CYRIA: variants seen among roughly 807,000 people sequenced by gnomAD.
CYRIA encodes CYFIP-related Rac1 interactor A.
CYRIA carries 15 observed loss-of-function variants against 43.9 expected under a neutral mutation model. That is an observed-to-expected ratio of 0.34 (90% CI 0.23 to 0.53). The LOEUF (loss-of-function observed/expected upper bound fraction) is 0.53. CYRIA is among the 20% of genes least tolerant of loss of function. The pLI is 0.94. For synonymous variants in CYRIA, 117 were observed against 136.0 expected (o/e 0.86, Z 0.97); for missense variants, 236 against 394.2 (o/e 0.60, Z 3.40).
At chr2:16,660,964 G>A (rs1342345042) in intron 1 of CYRIA, among the ~76,000 whole-genome samples, 1 of 152,218 alleles carries the variant, frequency 6.6e-6, no homozygotes, top group Non-Finnish European at 1.5e-5. Context: ...AGGCTAATGA[G>A]CAATTCTGTA....
intron 2 of CYRIA, among the ~76,000 whole-genome samples, chr2:16,603,024 A>G (rs1019861436): frequency 2.0e-5 from 3 of 151,792 alleles, no homozygotes; most frequent in African/African-American, 7.3e-5. Context: ...CCTTCTACTC[A>G]TTTCCATGCT....
chr2:16,567,759 A>G (rs1417976735), intron 3 of CYRIA, among the ~76,000 whole-genome samples: 1 of 152,216 alleles, frequency 6.6e-6, no homozygotes, highest in Non-Finnish European at 1.5e-5. Flanking sequence ...TGCAAACTAT[A>G]CATTCAAAGA....
At chr2:16,627,315 G>A (rs2103515955) in intron 1 of CYRIA, among the ~76,000 whole-genome samples, 1 of 152,364 alleles carries the variant, frequency 6.6e-6, no homozygotes, top group Admixed American at 6.5e-5. Flanking sequence ...GCATGCTTGT[G>A]CCCACAGTTC....
chr2:16,613,447 C>A (rs944817810), intron 2 of CYRIA, among the ~76,000 whole-genome samples: 16 of 152,370 alleles, frequency 1.1e-4, no homozygotes, highest in Non-Finnish European at 1.8e-4. Context: ...ACTACACTAA[C>A]AGCAGCCATT....
At chr2:16,562,207 T>C in intron 5 of CYRIA, 66 bp from the exon 6 acceptor site, 1 of 1,522,670 alleles carries the variant, frequency 6.6e-7, no homozygotes, top group African/African-American at 1.4e-5. Flanking sequence ...AAGAACACAA[T>C]TCCCAGCCTC....
At chr2:16,561,900 T>G in intron 6 of CYRIA, 105 bp downstream of exon 6, 1 of 1,074,622 alleles carries the variant, frequency 9.3e-7, no homozygotes, top group Non-Finnish European at 1.4e-6. Context: ...GAATTACATC[T>G]TACTCATTTC....
chr2:16,649,163 A>C (rs1669898652), intron 1 of CYRIA, among the ~76,000 whole-genome samples: 1 of 152,266 alleles, frequency 6.6e-6, no homozygotes, highest in African/African-American at 2.4e-5. Flanking sequence ...ACATTGTATT[A>C]GGTATTGTAA....
intron 2 of CYRIA, among the ~76,000 whole-genome samples, chr2:16,621,500 G>A (rs1668992958): frequency 6.6e-6 from 1 of 152,082 alleles, no homozygotes; most frequent in African/African-American, 2.4e-5. Context: ...AAGAGCTCTG[G>A]GGAAGAGAAA....
At chr2:16,660,364 T>A (rs1670216491) in intron 1 of CYRIA, among the ~76,000 whole-genome samples, 1 of 152,170 alleles carries the variant, frequency 6.6e-6, no homozygotes, top group African/African-American at 2.4e-5. Flanking sequence ...TCCCTCTCTA[T>A]GCAACATCAG....
intron 2 of CYRIA, among the ~76,000 whole-genome samples, chr2:16,605,700 A>T (rs1047334679): frequency 3.9e-5 from 6 of 152,228 alleles, no homozygotes; most frequent in East Asian, 3.8e-4. Context: ...CCTAGAAGTT[A>T]TCTCAAATTT....
intron 3 of CYRIA, among the ~76,000 whole-genome samples, chr2:16,570,523 C>T (rs78779131): frequency 1.9e-3 from 290 of 152,320 alleles, no homozygotes; most frequent in African/African-American, 6.7e-3. Flanking sequence ...GAGTCTTACA[C>T]TTGGCCTTCT....
chr2:16,583,367 T>C (rs890519543), intron 3 of CYRIA, among the ~76,000 whole-genome samples: 3 of 152,212 alleles, frequency 2.0e-5, no homozygotes, highest in African/African-American at 4.8e-5. Context: ...ACACTAACTA[T>C]GTATCCTCAC....
chr2:16,656,725 A>G (rs568920024), intron 1 of CYRIA, among the ~76,000 whole-genome samples: 1 of 152,382 alleles, frequency 6.6e-6, no homozygotes, highest in South Asian at 2.1e-4. Context: ...CAAAAGACAA[A>G]GACATAAAGA....
At chr2:16,644,114 G>A (rs986589535) in intron 1 of CYRIA, among the ~76,000 whole-genome samples, 5 of 152,126 alleles carry the variant, frequency 3.3e-5, no homozygotes, top group African/African-American at 7.2e-5. Flanking sequence ...TTTGAGCATC[G>A]GTTTCCTTAT....
chr2:16,554,905 T>A (rs1666451655), intron 11 of CYRIA, among the ~76,000 whole-genome samples, 164 bp downstream of exon 11: 1 of 152,114 alleles, frequency 6.6e-6, no homozygotes, highest in South Asian at 2.1e-4. Flanking sequence ...TCTTTAAAAA[T>A]GGGAATGATA....
At chr2:16,642,668 C>G (rs1015518350) in intron 1 of CYRIA, among the ~76,000 whole-genome samples, 1 of 152,208 alleles carries the variant, frequency 6.6e-6, no homozygotes, top group African/African-American at 2.4e-5. Context: ...ACCTCATCCA[C>G]AGCTACTCTT....
chr2:16,628,440 C>G (rs1409736458), intron 1 of CYRIA, among the ~76,000 whole-genome samples: 1 of 152,148 alleles, frequency 6.6e-6, no homozygotes, highest in Non-Finnish European at 1.5e-5. Flanking sequence ...CACAACTGTG[C>G]AGCTGTGCTA....
chr2:16,631,647 G>A (rs935935323), intron 1 of CYRIA, among the ~76,000 whole-genome samples: 1 of 152,150 alleles, frequency 6.6e-6, no homozygotes, highest in Non-Finnish European at 1.5e-5. Flanking sequence ...TCATTCCAGG[G>A]TCATTAGGGA....
chr2:16,640,580 C>A (rs80329834), intron 1 of CYRIA, among the ~76,000 whole-genome samples: 19,831 of 152,226 alleles, frequency 0.13, 1,927 homozygotes, highest in African/African-American at 0.27. Flanking sequence ...GGCCTTTCCT[C>A]TGGTGCTGCT....
Sources: allele counts gnomAD v4.1 joint callset (sites outside exome capture counted in the v4.1 genomes callset), GRCh38; gene constraint gnomAD v4.1.1; transcripts MANE v1.5; gene names NCBI Gene and HGNC (gene_info 2026-07-23, HGNC 2026-07-21).